The following UNC13A variants were observed in gnomAD, a reference collection of about 807,000 sequenced individuals.
UNC13A encodes the protein protein unc-13 homolog A.
Under a neutral mutation model 219.7 loss-of-function variants are expected in UNC13A, and 61 were observed. The observed-to-expected ratio is 0.28, with a 90% confidence interval of 0.23 to 0.34. The LOEUF (loss-of-function observed/expected upper bound fraction) is 0.34. UNC13A is among the 10% of genes least tolerant of loss of function. The probability of loss-of-function intolerance (pLI) is 1.00; values close to 1 mark genes in which losing one functional copy is unlikely to be tolerated. For synonymous variants in UNC13A, 920 were observed against 884.6 expected (o/e 1.04, Z -0.71); for missense variants, 1,476 against 2,270.3 (o/e 0.65, Z 7.11).
Position 17,674,706 on chromosome 19 carries a change from TC to T in UNC13A, c.102del (p.Thr35ProfsTer26). ...VTLKVQNVKSTTIAVRGSQPS... is the reference protein window; with the variant it reads ...VTLKVQNVKSXTIAVRGSQPS... ...GGCTGGCTGCCCCGCACCGCGATGG[TC>T]GTGCTCTTGACATTCTGCACTTTCA... On this transcript the variant is annotated frameshift_variant, in exon 3 of 44. Coordinates refer to ENST00000519716, the MANE Select transcript of UNC13A (RefSeq NM_001080421.3). LOFTEE classifies it high-confidence loss of function. This position sits in a 1 kb window ranked among gnomAD's most constrained non-coding sequence, Gnocchi z 5.0. 1 of 1,613,948 alleles carries T rather than the reference TC, an allele frequency of 6.2e-7. No homozygotes were observed. Among genetic ancestry groups the T allele is most frequent in the Non-Finnish European group, 8.5e-7 (1 of 1,179,876 alleles).
chr19:17,651,272 G>C (rs150170927), intron 12 of UNC13A, among the ~76,000 whole-genome samples: 3,282 of 150,928 alleles, frequency 0.022, 116 homozygotes, highest in African/African-American at 0.074. Flanking sequence ...TTCTTTTGTA[G>C]AGATGGGGGT....
rs373074992 is a variant in UNC13A at position 17,683,385 on chromosome 19, A to G, written c.22+4793T>C. Among the ~76,000 whole-genome samples the G allele has an allele frequency of 1.1e-4, 17 of 152,198 alleles. No homozygotes were observed. In the East Asian group the frequency reaches 3.1e-3, roughly 28 times the overall value. On this transcript the variant is annotated intron_variant, in intron 1 of 43. Transcript: ENST00000519716. ...GGTGGCTCGAGCCTGTAATCTCAGTACATTGGGAGGCCGAGGCAAGAGGAT... is the reference window on the plus strand; with the variant it reads ...GGTGGCTCGAGCCTGTAATCTCAGTGCATTGGGAGGCCGAGGCAAGAGGAT...
Position 17,605,647 on chromosome 19 carries a change from T to G in UNC13A, c.*407A>C. 5 of 167,790 alleles carry G rather than the reference T, an allele frequency of 3.0e-5. No individual in the cohort carries two copies. Among genetic ancestry groups the G allele is most frequent in the Non-Finnish European group, 5.1e-5 (4 of 78,612 alleles). 10.4% of individuals were successfully genotyped at this position (167,790 alleles called of 1,614,324 possible). On this transcript the variant is annotated 3_prime_UTR_variant, in exon 44 of 44. Transcript: ENST00000519716. ...GAGCTGAGATTTCCATACTTGGCAA[T>G]TGGTCTGGGGTCCCAGGGGTCTGGG...
At chr19:17,608,295 T>C (rs957759586) in intron 43 of UNC13A, among the ~76,000 whole-genome samples, 1 of 139,794 alleles carries the variant, frequency 7.2e-6, no homozygotes, top group Non-Finnish European at 1.5e-5. Context: ...TAATATAATA[T>C]ATACTATATA....
intron 5 of UNC13A, 132 bp downstream of exon 5, chr19:17,669,421 G>A (rs2079734354): frequency 1.5e-6 from 2 of 1,299,378 alleles, no homozygotes; most frequent in South Asian, 1.7e-5. Context: ...CTCTCCTCCG[G>A]GGCGAAGGAC....
rs748344492 is a variant in UNC13A at position 17,669,662 on chromosome 19, C to G, written c.285G>C (p.Glu95Asp). Residue 95 changes from glutamate (E) to aspartate (D), a missense_variant, in exon 5 of 44, where the codon GAG (glutamate) becomes GAC (aspartate). Physicochemically the swap from Glu to Asp is conservative, Grantham distance 45. Transcript: ENST00000519716. ...IRQSNEEGPG[E>D]WLTLDSQVIM... Reference sequence around the variant, plus strand: ...TGACCTGGGAGTCCAGCGTCAGCCACTCTCCAGGGCCCTCCTGGGGGTTGG... The same window carrying G: ...TGACCTGGGAGTCCAGCGTCAGCCAGTCTCCAGGGCCCTCCTGGGGGTTGG... 1.7e-5 allele frequency: 27 copies of G among 1,610,280 alleles called. No individual in the cohort carries two copies. The Admixed American group carries it at 4.2e-4, about 25-fold the overall frequency.
intron 7 of UNC13A, among the ~76,000 whole-genome samples, chr19:17,666,035 CATCAAGCCCAAGTCTCAGAACTCTTCT>C (rs1568267475): frequency 0.01 from 581 of 57,718 alleles, 64 homozygotes; most frequent in Middle Eastern, 0.013. Flanking sequence ...TCTTGTCTTT[CATCAAGCCCAAGTCTCAGAACTCTTCT>C]CTTTCCTTTC....
intron 25 of UNC13A, among the ~76,000 whole-genome samples, chr19:17,638,370 AG>A (rs2076932670): frequency 6.6e-6 from 1 of 152,130 alleles, no homozygotes; most frequent in South Asian, 2.1e-4. Flanking sequence ...TGGGAGGCTG[AG>A]GTGGGAGGAT....
At chr19:17,650,721 G>A (rs1196388576) in intron 12 of UNC13A, among the ~76,000 whole-genome samples, 1 of 149,738 alleles carries the variant, frequency 6.7e-6, no homozygotes, top group African/African-American at 2.5e-5. Context: ...CAGGCGATCC[G>A]CCCACCTTGG....
Position 17,674,546 on chromosome 19 carries a change from G to A in UNC13A, c.152+111C>T. ...GATAAGGTGGACAGGGGAAGAGGGAGGACAGAGGGGAGTCACCCGGGATTC... is the reference window on the plus strand; with the variant it reads ...GATAAGGTGGACAGGGGAAGAGGGAAGACAGAGGGGAGTCACCCGGGATTC... On this transcript the variant is annotated intron_variant, in intron 3 of 43. Transcript: ENST00000519716. The surrounding 1 kb of genome is among the most constrained non-coding windows in gnomAD (Gnocchi z 5.0). The A allele has an allele frequency of 1.2e-6, 1 of 857,644 alleles. No individual in the cohort carries two copies. The highest frequency in any genetic ancestry group is 1.5e-5 in the South Asian group (1 of 67,932). The allele number at this position is 857,644 out of a possible 1,614,324, so 53.1% of individuals were successfully genotyped here.
Position 17,632,831 on chromosome 19 carries a change from A to C in UNC13A, c.3379T>G (p.Tyr1127Asp). ...TTGAAGGCGGGAAGTTCCGTCACAT[A>C]CTCATTGTAGAGCCATTTCACCTTG... ...HFKVKWLYNE[Y>D]VTELPAFKDR... Residue 1127 changes from tyrosine to aspartate, a missense_variant, in exon 28 of 44, where the codon TAT becomes GAT. Transcript: ENST00000519716. 6.2e-7 allele frequency: 1 copy of C among 1,613,844 alleles called. No homozygotes were observed. Among genetic ancestry groups the C allele is most frequent in the Non-Finnish European group, 8.5e-7 (1 of 1,179,878 alleles).
chr19:17,658,081 A>G lies in UNC13A; in HGVS notation c.748T>C (p.Ser250Pro). ...SDSMHSYEEFSEPQALSPTGS... is the reference protein window; with the variant it reads ...SDSMHSYEEFPEPQALSPTGS... ...ACCTACCTGAGGGCTTGTGGCTCAG[A>G]GAACTCCTCGTAACTGTGCATGGAG... Residue 250 changes from serine to proline, a missense_variant, in exon 9 of 44, where the codon TCT (serine) becomes CCT (proline). Ser to Pro is a moderately conservative substitution (Grantham distance 74, BLOSUM62 -1). Around this residue, in one of 14 missense-constraint regions of UNC13A, gnomAD observed 351 missense variants for 342.6 expected, o/e 1.02. Transcript: ENST00000519716. 6.2e-7 allele frequency: 1 copy of G among 1,613,666 alleles called. No individual in the cohort carries two copies. Among genetic ancestry groups the G allele is most frequent in the African/African-American group, 1.3e-5 (1 of 74,988 alleles).
At chr19:17,681,274 A>G (rs1012654006) in intron 1 of UNC13A, among the ~76,000 whole-genome samples, 7 of 151,614 alleles carry the variant, frequency 4.6e-5, no homozygotes, top group Non-Finnish European at 5.9e-5. Context: ...TGGGGTGGGG[A>G]GACAGGAGGT....
intron 33 of UNC13A, 106 bp from the exon 34 acceptor site, chr19:17,626,891 A>G: frequency 7.0e-7 from 1 of 1,435,016 alleles, no homozygotes; most frequent in Middle Eastern, 2.0e-4. Context: ...ACAGCACATA[A>G]CCGAGCAAGA....
intron 21 of UNC13A, among the ~76,000 whole-genome samples, 197 bp from the exon 22 acceptor site, chr19:17,640,858 C>G (rs1186510349): frequency 2.7e-5 from 4 of 148,882 alleles, no homozygotes; most frequent in African/African-American, 9.9e-5. Context: ...TGCTCTAATT[C>G]TGCTTCTTTT....
intron 35 of UNC13A, among the ~76,000 whole-genome samples, chr19:17,623,976 T>TGGATGCCCTCCATGACCTC (rs2076756567): frequency 6.6e-6 from 1 of 152,038 alleles, no homozygotes; most frequent in Non-Finnish European, 1.5e-5. Flanking sequence ...TCTCTGACCT[T>TGGATGCCCTCCATGACCTC]GGATGCCCTC....
intron 8 of UNC13A, among the ~76,000 whole-genome samples, chr19:17,660,474 C>T (rs1204894643): frequency 6.6e-6 from 1 of 151,762 alleles, no homozygotes; most frequent in Non-Finnish European, 1.5e-5. Context: ...CCTTTTTGAC[C>T]CAATTATCTA....
rs539091973 is a variant in UNC13A, at chr19:17,627,544, G to A, written c.3885C>T (p.Asn1295=). Reference sequence around the variant, plus strand: ...ACACCCGGCTGAGCTCATCCAAGACGTTATTGAGTTTCACCTGAAGCTCCT... The same window carrying A: ...ACACCCGGCTGAGCTCATCCAAGACATTATTGAGTTTCACCTGAAGCTCCT... ...ILKELQVKLN[N]VLDELSRVFA... The change falls in exon 33 of 44, where the codon AAC becomes AAT. Residue 1295 remains asparagine, a synonymous_variant. Transcript: ENST00000519716. This position sits in a 1 kb window ranked among gnomAD's most constrained non-coding sequence, Gnocchi z 4.7. 2.8e-5 allele frequency: 44 copies of A among 1,563,452 alleles called. No homozygotes were observed. In the East Asian group the frequency reaches 4.3e-4, roughly 15 times the overall value.
intron 41 of UNC13A, chr19:17,614,306 C>T (rs1454183234): frequency 1.3e-5 from 2 of 152,234 alleles, no homozygotes; most frequent in East Asian, 3.9e-4. Context: ...CGCGCCAGGC[C>T]TCAACCCCTA....
Sources: allele counts gnomAD v4.1 joint callset (sites outside exome capture counted in the v4.1 genomes callset), GRCh38; gene constraint gnomAD v4.1.1; regional missense constraint gnomAD v4.1.1; non-coding constraint Gnocchi (gnomAD v3.1); transcripts MANE v1.5; gene names NCBI Gene and HGNC (gene_info 2026-07-23, HGNC 2026-07-21).